FAM20A: variants seen among roughly 807,000 people sequenced by gnomAD.
The protein encoded by FAM20A is pseudokinase FAM20A.
A neutral mutation model predicts 52.0 loss-of-function variants in FAM20A; 42 were observed. The observed-to-expected ratio is 0.81, with a 90% CI of 0.63 to 1.04. FAM20A has a LOEUF of 1.04. FAM20A is among the 50% of genes least tolerant of loss of function. The probability of loss-of-function intolerance (pLI) is 0.00; values close to 1 mark genes in which losing one functional copy is unlikely to be tolerated. For missense variants in FAM20A, 742 were observed against 712.7 expected, an observed-to-expected ratio of 1.04 and a Z score of -0.47; for synonymous variants, 304 against 298.9, an observed-to-expected ratio of 1.02 and a Z score of -0.18.
At position 68,554,779 on chromosome 17, in the gene FAM20A, T is replaced by C; in HGVS notation, c.638A>G (p.Gln213Arg). ...KALLGACDCT[Q>R]IVKPSGVHLK... Reference sequence around the variant, plus strand: ...GGGGGTGGGGCTAGGTCACTTACTCTGGGTGCAGTCACATGCCCCCAGCAA... The same window carrying C: ...GGGGGTGGGGCTAGGTCACTTACTCCGGGTGCAGTCACATGCCCCCAGCAA... The change falls in exon 3 of 11, where the codon CAG becomes CGG. Residue 213 changes from glutamine to arginine, a missense_variant and splice_region_variant. Coordinates refer to ENST00000592554, the MANE Select transcript of FAM20A (RefSeq NM_017565.4). The C allele has an allele frequency of 1.2e-6, 2 of 1,614,050 alleles. No homozygotes were observed. Among genetic ancestry groups the C allele is most frequent in the Non-Finnish European group, 1.7e-6 (2 of 1,179,964 alleles).
chr17:68,590,769 G>C (rs1383990422), intron 1 of FAM20A, among the ~76,000 whole-genome samples: 1 of 152,184 alleles, frequency 6.6e-6, no homozygotes, highest in Non-Finnish European at 1.5e-5. Flanking sequence ...CTGTCAGTCT[G>C]CATTTCCATC....
intron 1 of FAM20A, among the ~76,000 whole-genome samples, chr17:68,581,327 A>G (rs1161233663): frequency 1.4e-5 from 2 of 146,982 alleles, no homozygotes; most frequent in African/African-American, 2.5e-5. Context: ...TCTGGAGTTG[A>G]AAAGGTATCT....
intron 1 of FAM20A, among the ~76,000 whole-genome samples, chr17:68,573,478 T>C (rs2087629736): frequency 6.8e-6 from 1 of 146,130 alleles, no homozygotes. Flanking sequence ...TTTCTTTCTC[T>C]TTCTTTCTTT....
chr17:68,539,208 G>T (rs1389323072), intron 10 of FAM20A, 129 bp downstream of exon 10: 4 of 812,718 alleles, frequency 4.9e-6, no homozygotes, highest in African/African-American at 3.4e-5. Flanking sequence ...GAAATAAGGT[G>T]ATTCATGTCA....
Position 68,600,228 on chromosome 17 carries a change from C to G in FAM20A, c.404+35G>C. On this transcript the variant is annotated intron_variant, in intron 1 of 10. Coordinates refer to ENST00000592554, the MANE Select transcript of FAM20A (RefSeq NM_017565.4). This position sits in a 1 kb window ranked among gnomAD's most constrained non-coding sequence, Gnocchi z 6.2. Reference sequence around the variant, plus strand: ...GGGCGCGGGGAGGCCCCGGCCAGAGCGCCCGCTCTCCCGCGTCCCGGGCGG... The same window carrying G: ...GGGCGCGGGGAGGCCCCGGCCAGAGGGCCCGCTCTCCCGCGTCCCGGGCGG... 1 of 1,546,990 alleles carries G rather than the reference C, an allele frequency of 6.5e-7. No homozygotes were observed. The highest frequency in any genetic ancestry group is 1.4e-5 in the African/African-American group (1 of 72,972).
At chr17:68,559,724 G>A (rs190391837) in intron 1 of FAM20A, among the ~76,000 whole-genome samples, 29 of 152,250 alleles carry the variant, frequency 1.9e-4, no homozygotes, top group African/African-American at 2.4e-5. Context: ...GAGTTAACCC[G>A]CTTCCCATCT....
At chr17:68,556,606 A>G (rs953407299) in intron 1 of FAM20A, among the ~76,000 whole-genome samples, 3 of 152,044 alleles carry the variant, frequency 2.0e-5, no homozygotes, top group Admixed American at 6.6e-5. Flanking sequence ...TGAAGGGGAC[A>G]GGGAGGGTAC....
At position 68,536,212 on chromosome 17, in the gene FAM20A, ACT is replaced by A. The variant is rs768670790; in HGVS notation, c.*1263_*1264del. 7 of 453,850 alleles carry A rather than the reference ACT, an allele frequency of 1.5e-5. No individual in the cohort carries two copies. The highest frequency in any genetic ancestry group is 1.1e-4 in the South Asian group (7 of 64,476). 28.1% of individuals were successfully genotyped at this position (453,850 alleles called of 1,614,324 possible). ...AGACATTTCTGGTTCTTGACCTTGT[ACT>A]CTCTTTAGTGACAGCTCCATTCTAT... On this transcript the variant is annotated 3_prime_UTR_variant, in exon 11 of 11. Coordinates refer to ENST00000592554, the MANE Select transcript of FAM20A (RefSeq NM_017565.4).
intron 1 of FAM20A, among the ~76,000 whole-genome samples, chr17:68,598,624 G>T (rs1361809769): frequency 2.6e-5 from 4 of 152,042 alleles, no homozygotes; most frequent in African/African-American, 4.8e-5. Flanking sequence ...AGTTTTTTTT[G>T]TCTTTGTTGA....
In FAM20A at chr17:68,537,569, A is replaced by T. The variant is rs754141585; in HGVS notation, c.1534T>A (p.Cys512Ser). The T allele has an allele frequency of 6.2e-7, 1 of 1,612,852 alleles. No individual in the cohort carries two copies. Among genetic ancestry groups the T allele is most frequent in the Admixed American group, 1.7e-5 (1 of 59,970 alleles). Residue 512 changes from cysteine (C) to serine (S), a missense_variant, in exon 11 of 11, where the codon TGC becomes AGC. Cys to Ser is a moderately radical substitution (Grantham distance 112). Coordinates refer to ENST00000592554, the MANE Select transcript of FAM20A (RefSeq NM_017565.4). This position sits in a 1 kb window ranked among gnomAD's most constrained non-coding sequence, Gnocchi z 4.2. ...LQTILRTVEG[C>S]IVAHGQQSVI... The stretch of plus-strand genomic sequence containing the variant: ...CTCTGCTGTCCATGGGCCACTATGC[A>T]CCCCTCCACTGTCCTTAGGATGGTT...
At chr17:68,590,874 A>G (rs1354710098) in intron 1 of FAM20A, among the ~76,000 whole-genome samples, 1 of 152,174 alleles carries the variant, frequency 6.6e-6, no homozygotes, top group Admixed American at 6.5e-5. Context: ...GGTGGGAATC[A>G]GCCTCCATCT....
chr17:68,591,871 G>C (rs2088323477), intron 1 of FAM20A: 2 of 152,268 alleles, frequency 1.3e-5, no homozygotes, highest in Admixed American at 1.3e-4. Flanking sequence ...CTCTTGCTCT[G>C]CTGAGAGGTA....
intron 1 of FAM20A, among the ~76,000 whole-genome samples, chr17:68,578,481 C>A (rs1227239528): frequency 1.3e-5 from 2 of 152,158 alleles, no homozygotes; most frequent in Non-Finnish European, 2.9e-5. Flanking sequence ...CAAATGTTGG[C>A]CTCCTTTCCT....
intron 1 of FAM20A, among the ~76,000 whole-genome samples, chr17:68,573,516 C>CT (rs2087633203): frequency 8.3e-6 from 1 of 120,052 alleles, no homozygotes; most frequent in Admixed American, 9.6e-5. Flanking sequence ...TTCTCTTTTC[C>CT]TTCTTTCCTT....
chr17:68,551,909 A>G lies in FAM20A; in HGVS notation c.683T>C (p.Phe228Ser). 6.3e-7 allele frequency: 1 copy of G among 1,591,066 alleles called. No individual in the cohort carries two copies. Reference sequence around the variant, plus strand: ...GAACATGGCCTTCCCGAAATCCGAGAACCTCAGCACCAGCTTGAGGTGGAC... The same window carrying G: ...GAACATGGCCTTCCCGAAATCCGAGGACCTCAGCACCAGCTTGAGGTGGAC... Reference protein sequence around the residue: ...SGVHLKLVLRFSDFGKAMFKP... With the variant: ...SGVHLKLVLRSSDFGKAMFKP... Residue 228 changes from phenylalanine to serine, a missense_variant, in exon 4 of 11, where the codon TTC becomes TCC. Physicochemically the swap from Phe to Ser is radical, Grantham distance 155. Coordinates refer to ENST00000592554, the MANE Select transcript of FAM20A (RefSeq NM_017565.4).
At position 68,600,699 on chromosome 17, in the gene FAM20A, G is replaced by T; in HGVS notation, c.-33C>A. ...TGGCCAAGGGGGACGCCGGGGGCAG[G>T]CCGGCTGTCTCCGGGGTCCCGGGAG... is the stretch of plus-strand genomic sequence containing the variant. On this transcript the variant is annotated 5_prime_UTR_variant, in exon 1 of 11. Coordinates refer to ENST00000592554, the MANE Select transcript of FAM20A (RefSeq NM_017565.4). This position sits in a 1 kb window ranked among gnomAD's most constrained non-coding sequence, Gnocchi z 6.2. 6.5e-7 allele frequency: 1 copy of T among 1,527,490 alleles called. No homozygotes were observed. The highest frequency in any genetic ancestry group is 8.7e-7 in the Non-Finnish European group (1 of 1,143,554). The allele number at this position is 1,527,490 out of a possible 1,614,324, so 94.6% of individuals were successfully genotyped here.
At chr17:68,570,997 G>A (rs2087519731) in intron 1 of FAM20A, among the ~76,000 whole-genome samples, 1 of 152,178 alleles carries the variant, frequency 6.6e-6, no homozygotes, top group South Asian at 2.1e-4. Context: ...GTGTCAGATG[G>A]AGAGGTATGA....
intron 1 of FAM20A, among the ~76,000 whole-genome samples, chr17:68,569,903 G>T (rs2087491092): frequency 6.6e-6 from 1 of 152,154 alleles, no homozygotes; most frequent in Non-Finnish European, 1.5e-5. Flanking sequence ...GAGGTCCCAT[G>T]TCTCTGTTTC....
At position 68,537,115 on chromosome 17, in the gene FAM20A, G is replaced by A. The variant is rs1232448127; in HGVS notation, c.*362C>T. On this transcript the variant is annotated 3_prime_UTR_variant, in exon 11 of 11. Transcript: ENST00000592554. This position sits in a 1 kb window ranked among gnomAD's most constrained non-coding sequence, Gnocchi z 4.2. ...GTAGCTAGAATAAGGATCCTGAGAAGTCAGGTATCCACTTGATGTCCTTTT... is the reference window on the plus strand; with the variant it reads ...GTAGCTAGAATAAGGATCCTGAGAAATCAGGTATCCACTTGATGTCCTTTT... 2.1e-6 allele frequency: 1 copy of A among 475,594 alleles called. No individual in the cohort carries two copies. The highest frequency in any genetic ancestry group is 4.1e-6 in the Non-Finnish European group (1 of 241,912). 29.5% of individuals were successfully genotyped at this position (475,594 alleles called of 1,614,324 possible). A position where few individuals can be genotyped will look rare whatever the true frequency, so the allele number is the denominator to read the frequency against.
Sources: gnomAD v4.1 joint callset for allele counts (sites outside exome capture counted in the v4.1 genomes callset) on GRCh38, gnomAD v4.1.1 for gene constraint, Gnocchi (gnomAD v3.1) non-coding constraint, MANE v1.5 for transcripts, NCBI Gene and HGNC (gene_info 2026-07-23, HGNC 2026-07-21) for gene names.